CDH18: variants seen among roughly 807,000 people sequenced by gnomAD.
CDH18 encodes cadherin-18.
CDH18 carries 31 observed loss-of-function variants against 67.9 expected under a neutral mutation model. That is an observed-to-expected ratio of 0.46 (90% CI 0.34 to 0.62). CDH18 has a LOEUF of 0.62. Ranked by LOEUF, CDH18 falls within the 20% of genes least tolerant of loss-of-function variation. The pLI is 0.01. For synonymous variants in CDH18, 362 were observed against 347.2 expected (o/e 1.04, Z -0.48); for missense variants, 890 against 975.5 (o/e 0.91, Z 1.17).
chr5:20,055,706 T>C (rs1362035122), intron 2 of CDH18, among the ~76,000 whole-genome samples: 2 of 152,216 alleles, frequency 1.3e-5, no homozygotes, highest in East Asian at 3.9e-4. Context: ...ATGGATAAAG[T>C]AAACTTAGAG....
chr5:20,525,772 T>C (rs1460135113), intron 1 of CDH18, among the ~76,000 whole-genome samples: 2 of 150,420 alleles, frequency 1.3e-5, no homozygotes, highest in Non-Finnish European at 3.0e-5. Context: ...GGTAAACATA[T>C]ACTTCAATTA....
At chr5:19,483,858 G>A (rs1006670146) in intron 11 of CDH18, among the ~76,000 whole-genome samples, 8 of 152,166 alleles carry the variant, frequency 5.3e-5, no homozygotes, top group South Asian at 2.1e-4. Context: ...GGATGCGGAC[G>A]GCCTGAAGTC....
intron 3 of CDH18, among the ~76,000 whole-genome samples, chr5:19,753,069 C>T (rs913150700): frequency 6.6e-6 from 1 of 152,048 alleles, no homozygotes; most frequent in Non-Finnish European, 1.5e-5. Flanking sequence ...CATAACCTAC[C>T]CAAATGAGAA....
chr5:20,100,789 C>T (rs1180255990), intron 2 of CDH18, among the ~76,000 whole-genome samples: 1 of 152,018 alleles, frequency 6.6e-6, no homozygotes, highest in African/African-American at 2.4e-5. Flanking sequence ...AGAATATCCC[C>T]ACTACACCTC....
intron 2 of CDH18, among the ~76,000 whole-genome samples, chr5:20,146,599 T>C (rs1161288247): frequency 7.3e-6 from 1 of 137,404 alleles, no homozygotes; most frequent in Non-Finnish European, 1.6e-5. Flanking sequence ...AAATCATAAG[T>C]ACTGAAAACT....
chr5:19,747,954 CA>C (rs570565782), intron 3 of CDH18, among the ~76,000 whole-genome samples: 4 of 147,120 alleles, frequency 2.7e-5, no homozygotes, highest in East Asian at 2.0e-4. Flanking sequence ...TAAAAAAGTA[CA>C]AAAAAAAACT....
intron 11 of CDH18, among the ~76,000 whole-genome samples, chr5:19,491,259 A>G (rs1404020361): frequency 6.6e-6 from 1 of 152,210 alleles, no homozygotes; most frequent in East Asian, 1.9e-4. Flanking sequence ...ATTAGAGGAT[A>G]TATGAGGCTT....
At chr5:19,784,052 C>A (rs981031536) in intron 3 of CDH18, among the ~76,000 whole-genome samples, 5 of 152,054 alleles carry the variant, frequency 3.3e-5, no homozygotes, top group African/African-American at 1.2e-4. Context: ...AAAGTAAATT[C>A]ATTTCTTCAT....
intron 2 of CDH18, among the ~76,000 whole-genome samples, chr5:20,186,546 CA>C (rs1738114385): frequency 6.6e-6 from 1 of 151,896 alleles, no homozygotes; most frequent in African/African-American, 2.4e-5. Flanking sequence ...CCAATAAACA[CA>C]TGGAAAGTTC....
At chr5:19,793,112 C>T (rs978147436) in intron 3 of CDH18, among the ~76,000 whole-genome samples, 2 of 152,068 alleles carry the variant, frequency 1.3e-5, no homozygotes, top group Non-Finnish European at 2.9e-5. Context: ...ACAGAAAACC[C>T]TGCAATTCTA....
At chr5:19,549,616 GA>G (rs1378890114) in intron 8 of CDH18, among the ~76,000 whole-genome samples, 7 of 122,694 alleles carry the variant, frequency 5.7e-5, no homozygotes, top group African/African-American at 8.9e-5. Flanking sequence ...AGAAAATAAA[GA>G]AAGAAGGAAG....
At chr5:20,197,336 C>T (rs1364292852) in intron 2 of CDH18, among the ~76,000 whole-genome samples, 2 of 152,134 alleles carry the variant, frequency 1.3e-5, no homozygotes, top group African/African-American at 2.4e-5. Context: ...ATTGCATTTC[C>T]TCTTTATAGC....
At chr5:19,949,393 A>G (rs999723790) in intron 2 of CDH18, among the ~76,000 whole-genome samples, 1 of 152,122 alleles carries the variant, frequency 6.6e-6, no homozygotes, top group Non-Finnish European at 1.5e-5. Context: ...GAAACAAATA[A>G]TATTTCTCTC....
rs550777810 is a variant in CDH18, at chr5:20,100,826, G to GT, written c.-517-108813_-517-108812insA. 2.6e-3 allele frequency among the ~76,000 whole-genome samples: 394 copies of GT among 151,860 alleles called. 2 individuals are homozygous for GT. The highest frequency in any genetic ancestry group is 3.2e-3 in the Non-Finnish European group (216 of 67,936). ...GAGAAAAAAAAAATTGTTTTCTCTT[G>GT]GCATCTATCTGTTGTTTAGTTGATA... On this transcript the variant is annotated intron_variant, in intron 2 of 14. Coordinates refer to the CDH18 transcript ENST00000507958.
intron 5 of CDH18, among the ~76,000 whole-genome samples, chr5:19,618,608 G>A (rs1750206759): frequency 6.6e-6 from 1 of 152,090 alleles, no homozygotes; most frequent in South Asian, 2.1e-4. Flanking sequence ...TCTCCAATGG[G>A]ACATGTGGAC....
At chr5:20,403,818 C>T (rs893990129) in intron 1 of CDH18, among the ~76,000 whole-genome samples, 51 of 152,284 alleles carry the variant, frequency 3.3e-4, no homozygotes, top group Admixed American at 2.2e-3. Context: ...AAGTGAGAGT[C>T]GGCCTGTTCT....
intron 11 of CDH18, among the ~76,000 whole-genome samples, chr5:19,496,366 T>C (rs532627630): frequency 1.8e-4 from 28 of 152,318 alleles, no homozygotes; most frequent in African/African-American, 6.7e-4. Flanking sequence ...TTTGATCTTC[T>C]GTTAGTGCTA....
chr5:20,082,841 C>T (rs1744599036), intron 2 of CDH18, among the ~76,000 whole-genome samples: 1 of 152,134 alleles, frequency 6.6e-6, no homozygotes, highest in Admixed American at 6.6e-5. Context: ...ATGCTTGTGG[C>T]CACCAGAAGT....
chr5:19,811,141 AGAAAGAAAGAAAGAAAGAAG>A (rs70954604), intron 3 of CDH18, among the ~76,000 whole-genome samples: 7,570 of 114,298 alleles, frequency 0.066, 958 homozygotes, highest in Middle Eastern at 0.1. Flanking sequence ...AAAGAAAGAA[AGAAAGAAAGAAAGAAAGAAG>A]GAGAGAAAGA....
Sources: gnomAD v4.1 joint callset for allele counts (sites outside exome capture counted in the v4.1 genomes callset) on GRCh38, gnomAD v4.1.1 for gene constraint, MANE v1.5 for transcripts, NCBI Gene and HGNC (gene_info 2026-07-23, HGNC 2026-07-21) for gene names.